CNNM2: variants seen among roughly 807,000 people sequenced by gnomAD.
CNNM2 encodes the protein cyclin and CBS domain divalent metal cation transport mediator 2, also known as metal transporter CNNM2.
CNNM2 carries 12 observed loss-of-function variants against 66.9 expected under a neutral mutation model. The observed-to-expected ratio is 0.18, with a 90% CI of 0.11 to 0.29. CNNM2 has a LOEUF of 0.29. Among genes scored for constraint, CNNM2 ranks in the 10% least tolerant of loss-of-function variants. The pLI, the probability that CNNM2 is intolerant of heterozygous loss-of-function variation, is 1.00. For synonymous variants in CNNM2, 557 were observed against 501.8 expected (o/e 1.11, Z -1.47); for missense variants, 705 against 1,167.7 (o/e 0.60, Z 5.77).
At chr10:102,948,764 G>T (rs1358135570) in intron 1 of CNNM2, among the ~76,000 whole-genome samples, 2 of 152,150 alleles carry the variant, frequency 1.3e-5, no homozygotes, top group African/African-American at 2.4e-5. Flanking sequence ...GCATTTGGAG[G>T]CCTTTGCAGA....
chr10:103,063,874 A>G (rs1352192200), intron 4 of CNNM2, among the ~76,000 whole-genome samples: 4 of 152,216 alleles, frequency 2.6e-5, no homozygotes, highest in Admixed American at 2.6e-4. Context: ...ATCTGAAAGG[A>G]CACCTAATTA....
At chr10:103,042,149 G>A (rs1413518749) in intron 1 of CNNM2, among the ~76,000 whole-genome samples, 1 of 152,162 alleles carries the variant, frequency 6.6e-6, no homozygotes, top group Non-Finnish European at 1.5e-5. Context: ...CAAAAAGCAA[G>A]TCAGCCTGAC....
chr10:103,065,817 G>A (rs2065467605), intron 4 of CNNM2, among the ~76,000 whole-genome samples: 1 of 152,200 alleles, frequency 6.6e-6, no homozygotes, highest in East Asian at 1.9e-4. Flanking sequence ...AGATGGACAC[G>A]GAATTGGGGA....
rs746147500 is a variant in CNNM2, at chr10:103,071,814, A to C, written c.2208A>C (p.Thr736=). ...SLSRTFVVSR[T]ELLAAGSPGE... ...CTCGTACCTTTGTTGTCAGCAGAAC[A>C]GAGTTGTTAGCAGCAGGTTCTCCAG... Residue 736 remains threonine, a synonymous_variant, in exon 6 of 8, where the codon ACA becomes ACC. Coordinates refer to ENST00000369878, the MANE Select transcript of CNNM2 (RefSeq NM_017649.5). 2 of 1,613,830 alleles carry C rather than the reference A, an allele frequency of 1.2e-6. No homozygotes were observed. Among genetic ancestry groups the C allele is most frequent in the Non-Finnish European group, 1.7e-6 (2 of 1,179,882 alleles).
intron 1 of CNNM2, among the ~76,000 whole-genome samples, chr10:102,978,475 T>C (rs1433898584): frequency 6.6e-6 from 1 of 152,182 alleles, no homozygotes; most frequent in East Asian, 1.9e-4. Flanking sequence ...TTCCAGAATG[T>C]GGCCACTCCA....
At chr10:102,951,712 C>T (rs1035199125) in intron 1 of CNNM2, among the ~76,000 whole-genome samples, 17 of 150,636 alleles carry the variant, frequency 1.1e-4, no homozygotes, top group African/African-American at 4.2e-4. Flanking sequence ...GATCCTAGCT[C>T]ACCGCAATAT....
intron 1 of CNNM2, among the ~76,000 whole-genome samples, chr10:103,001,381 T>TA (rs1439619772): frequency 6.6e-6 from 1 of 152,168 alleles, no homozygotes; most frequent in Admixed American, 6.5e-5. Flanking sequence ...AAAATCTTAT[T>TA]ACACAGCTAC....
intron 1 of CNNM2, among the ~76,000 whole-genome samples, chr10:102,976,143 A>G (rs892139607): frequency 6.6e-6 from 1 of 152,210 alleles, no homozygotes; most frequent in Non-Finnish European, 1.5e-5. Context: ...TCTGAAAGCA[A>G]TGTGAGCCTA....
In CNNM2 at chr10:103,076,115, G is replaced by A; in HGVS notation, c.2263G>A (p.Gly755Ser). Residue 755 changes from glycine (G) to serine (S), a missense_variant, in exon 7 of 8, where the codon GGC (glycine) becomes AGC (serine). Transcript: ENST00000369878. ...AAATAAGTCCCCTCCTCGCCCATGT[G>A]GCTTGAATCACTCAGACTCTCTCAG... Reference protein sequence around the residue: ...GENKSPPRPCGLNHSDSLSRS... With the variant: ...GENKSPPRPCSLNHSDSLSRS... 6.2e-7 allele frequency: 1 copy of A among 1,612,182 alleles called. No homozygotes were observed. Among genetic ancestry groups the A allele is most frequent in the Non-Finnish European group, 8.5e-7 (1 of 1,179,214 alleles).
chr10:102,990,978 T>C (rs1177046611), intron 1 of CNNM2, among the ~76,000 whole-genome samples: 4 of 152,160 alleles, frequency 2.6e-5, no homozygotes, highest in Non-Finnish European at 5.9e-5. Context: ...CATTTTCCAT[T>C]GTGGCTGTAG....
chr10:102,927,439 TAGGATGTCTATACAG>T, intron 1 of CNNM2: 1 of 1,608,956 alleles, frequency 6.2e-7, no homozygotes, highest in South Asian at 1.1e-5. Flanking sequence ...TTGGCAACTC[TAGGATGTCTATACAG>T]AGGGATAAAA....
chr10:102,918,438 C>T lies in CNNM2; in HGVS notation c.-43C>T, dbSNP rs1845493438. The T allele has an allele frequency of 6.3e-7, 1 of 1,578,930 alleles. No homozygotes were observed. The highest frequency in any genetic ancestry group is 1.4e-5 in the African/African-American group (1 of 73,882). On this transcript the variant is annotated 5_prime_UTR_variant, in exon 1 of 8. Transcript: ENST00000369878. The surrounding 1 kb of genome is among the most constrained non-coding windows in gnomAD (Gnocchi z 4.1). ...CAGGGGCCGGTACCTGCGCTCGCGC[C>T]GCCGGGTTGAAAGGATGAAGCCGCA...
chr10:102,988,833 T>C (rs1235808583), intron 1 of CNNM2, among the ~76,000 whole-genome samples: 6 of 152,188 alleles, frequency 3.9e-5, no homozygotes, highest in Non-Finnish European at 1.5e-5. Flanking sequence ...AAGTTTGTTC[T>C]CCACGGAAGT....
Position 103,076,261 on chromosome 10 carries a change from G to C in CNNM2, c.2409G>C (p.Gln803His). Residue 803 changes from glutamine to histidine, a missense_variant, in exon 7 of 8, where the codon CAG becomes CAC. By Grantham distance (24) the Gln-to-His change is conservative. Around this residue, in one of 9 missense-constraint regions of CNNM2, gnomAD observed 194 missense variants for 227.6 expected, o/e 0.85. Transcript: ENST00000369878. ...CGGTGCGAGCCCTTTCGGATCTGCA[G>C]TTTGTTAAGGTGAGAGACGTGAGTG... ...DYSVRALSDLQFVKISRQQYQ... is the reference protein window; with the variant it reads ...DYSVRALSDLHFVKISRQQYQ... 6.4e-7 allele frequency: 1 copy of C among 1,557,514 alleles called. No homozygotes were observed. The highest frequency in any genetic ancestry group is 8.7e-7 in the Non-Finnish European group (1 of 1,150,174).
At chr10:103,065,489 G>A (rs553440029) in intron 4 of CNNM2, among the ~76,000 whole-genome samples, 44 of 152,302 alleles carry the variant, frequency 2.9e-4, no homozygotes, top group African/African-American at 1.0e-3. Context: ...AAAAAAAGAT[G>A]TACAGTTTTC....
rs142150343 is a variant in CNNM2 at position 103,013,437 on chromosome 10, C to T, written c.1622-36270C>T. On this transcript the variant is annotated intron_variant, in intron 1 of 7. Coordinates refer to ENST00000369878, the MANE Select transcript of CNNM2 (RefSeq NM_017649.5). ...TTGAAGGAATTATAGCCTGCATGGACTTACTGTGCACTGGAAGGAAGGGAA... is the reference window on the plus strand; with the variant it reads ...TTGAAGGAATTATAGCCTGCATGGATTTACTGTGCACTGGAAGGAAGGGAA... Among the ~76,000 whole-genome samples the T allele has an allele frequency of 3.3e-5, 5 of 152,206 alleles. No homozygotes were observed. In the East Asian group the frequency reaches 9.6e-4, roughly 29 times the overall value.
chr10:102,996,754 A>G (rs2064012258), intron 1 of CNNM2, among the ~76,000 whole-genome samples: 1 of 152,244 alleles, frequency 6.6e-6, no homozygotes, highest in Non-Finnish European at 1.5e-5. Flanking sequence ...CATTATCATA[A>G]TTACATAAAA....
In CNNM2 at chr10:103,089,837, C is replaced by G; in HGVS notation, c.*12657C>G. ...CTTTGAAATCCACTGATGTGCGGTTCCGGGTGGCAAGAGGAGACTCCATCT... is the reference window on the plus strand; with the variant it reads ...CTTTGAAATCCACTGATGTGCGGTTGCGGGTGGCAAGAGGAGACTCCATCT... On this transcript the variant is annotated 3_prime_UTR_variant, in exon 8 of 8. Coordinates refer to ENST00000369878, the MANE Select transcript of CNNM2 (RefSeq NM_017649.5). 1.9e-6 allele frequency: 3 copies of G among 1,614,040 alleles called. No homozygotes were observed. Among genetic ancestry groups the G allele is most frequent in the Non-Finnish European group, 2.5e-6 (3 of 1,180,004 alleles).
chr10:103,076,531 C>T (rs899222454), intron 7 of CNNM2, among the ~76,000 whole-genome samples: 2 of 152,162 alleles, frequency 1.3e-5, no homozygotes, highest in Non-Finnish European at 2.9e-5. Context: ...AGCCAGAGAT[C>T]CTGGAAAAAA....
Sources: gnomAD v4.1 joint callset for allele counts (sites outside exome capture counted in the v4.1 genomes callset) on GRCh38, gnomAD v4.1.1 for gene constraint, gnomAD v4.1.1 regional missense constraint, Gnocchi (gnomAD v3.1) non-coding constraint, MANE v1.5 for transcripts, NCBI Gene and HGNC (gene_info 2026-07-23, HGNC 2026-07-21) for gene names.